The following PDE4D variants were observed in gnomAD, a reference collection of about 807,000 sequenced individuals.
The protein encoded by PDE4D is 3',5'-cyclic-AMP phosphodiesterase 4D.
PDE4D carries 24 observed loss-of-function variants against 87.4 expected under a neutral mutation model. The observed-to-expected ratio is 0.27, with a 90% CI of 0.20 to 0.39. The LOEUF is 0.39. Among genes scored for constraint, PDE4D ranks in the 10% least tolerant of loss-of-function variants. The probability of loss-of-function intolerance (pLI) is 1.00; values close to 1 mark genes in which losing one functional copy is unlikely to be tolerated. For synonymous variants in PDE4D, 384 were observed against 383.2 expected, an observed-to-expected ratio of 1.00 and a Z score of -0.02; for missense variants, 714 against 1,041.0, an observed-to-expected ratio of 0.69 and a Z score of 4.32.
At chr5:59,529,973 T>C (rs1352556796) in intron 1 of PDE4D, among the ~76,000 whole-genome samples, 1 of 152,206 alleles carries the variant, frequency 6.6e-6, no homozygotes, top group Admixed American at 6.5e-5. Flanking sequence ...GCTTCTCACA[T>C]TGAAAACACA....
chr5:59,394,745 G>A (rs1470638034), intron 1 of PDE4D, among the ~76,000 whole-genome samples: 5 of 152,138 alleles, frequency 3.3e-5, no homozygotes, highest in African/African-American at 1.2e-4. Context: ...GGCCGAATAG[G>A]AACAGCTCCG....
chr5:60,084,139 TA>T (rs1774274662), intron 2 of PDE4D, among the ~76,000 whole-genome samples: 2 of 152,248 alleles, frequency 1.3e-5, no homozygotes, highest in African/African-American at 4.8e-5. Flanking sequence ...GGTAATATGC[TA>T]AGCAAAATAG....
At chr5:59,041,113 T>G (rs1759608894) in intron 5 of PDE4D, among the ~76,000 whole-genome samples, 1 of 152,168 alleles carries the variant, frequency 6.6e-6, no homozygotes, top group African/African-American at 2.4e-5. Flanking sequence ...TGCCTAAACC[T>G]TGCCAGGTGA....
chr5:59,926,888 C>T (rs970951752), intron 3 of PDE4D, among the ~76,000 whole-genome samples: 1 of 152,102 alleles, frequency 6.6e-6, no homozygotes, highest in Non-Finnish European at 1.5e-5. Flanking sequence ...AAACAGTCTC[C>T]CAGCAAAGAA....
chr5:60,174,663 A>G (rs188498381), intron 2 of PDE4D, among the ~76,000 whole-genome samples: 2 of 152,236 alleles, frequency 1.3e-5, no homozygotes, highest in South Asian at 2.1e-4. Flanking sequence ...TTTTAACTGT[A>G]TTATTATTGG....
chr5:59,800,185 C>A (rs1301891621), intron 1 of PDE4D, among the ~76,000 whole-genome samples: 1 of 151,852 alleles, frequency 6.6e-6, no homozygotes, highest in Non-Finnish European at 1.5e-5. Context: ...AGTTTCAGTG[C>A]AGTATTATAT....
At chr5:59,408,632 C>G (rs1049067226) in intron 1 of PDE4D, among the ~76,000 whole-genome samples, 4 of 152,182 alleles carry the variant, frequency 2.6e-5, no homozygotes, top group African/African-American at 9.7e-5. Flanking sequence ...GCACTCAACT[C>G]CAACCCATGA....
intron 1 of PDE4D, among the ~76,000 whole-genome samples, chr5:59,604,546 T>C (rs1006239848): frequency 6.6e-6 from 1 of 151,980 alleles, no homozygotes; most frequent in Non-Finnish European, 1.5e-5. Flanking sequence ...TTTGGTATCA[T>C]TTGCCTTAAG....
intron 3 of PDE4D, among the ~76,000 whole-genome samples, chr5:59,965,537 T>A (rs1022210363): frequency 6.6e-6 from 1 of 152,168 alleles, no homozygotes; most frequent in Non-Finnish European, 1.5e-5. Flanking sequence ...CACTGCTGTA[T>A]CTTGAGTACC....
chr5:59,234,377 T>C (rs1001746761), intron 1 of PDE4D, among the ~76,000 whole-genome samples: 1 of 152,182 alleles, frequency 6.6e-6, no homozygotes, highest in African/African-American at 2.4e-5. Context: ...GCTTTTTTAA[T>C]GAGGAGTCCA....
chr5:59,713,971 G>T (rs1336903935), intron 1 of PDE4D, among the ~76,000 whole-genome samples: 2 of 152,196 alleles, frequency 1.3e-5, no homozygotes, highest in Non-Finnish European at 2.9e-5. Context: ...ATCTCCAGGT[G>T]CAGGTGGGGT....
At chr5:59,210,085 T>C (rs926873193) in intron 2 of PDE4D, among the ~76,000 whole-genome samples, 1 of 152,218 alleles carries the variant, frequency 6.6e-6, no homozygotes, top group African/African-American at 2.4e-5. Flanking sequence ...TTGGCCATGG[T>C]AGCTTTCTTT....
chr5:60,069,650 A>G (rs1428159290), intron 2 of PDE4D, among the ~76,000 whole-genome samples: 4 of 151,408 alleles, frequency 2.6e-5, no homozygotes, highest in African/African-American at 9.7e-5. Context: ...TTTTTTCAAG[A>G]TTGATTTGGT....
chr5:59,531,192 A>G (rs1465240731), intron 1 of PDE4D, among the ~76,000 whole-genome samples: 2 of 152,182 alleles, frequency 1.3e-5, no homozygotes, highest in Admixed American at 1.3e-4. Flanking sequence ...TTTAATGGTG[A>G]TATTCAGAAT....
intron 1 of PDE4D, among the ~76,000 whole-genome samples, chr5:59,867,600 T>C (rs925478262): frequency 1.3e-5 from 2 of 152,128 alleles, no homozygotes; most frequent in African/African-American, 4.8e-5. Context: ...ATTCTAGAGA[T>C]ATATTTACTT....
chr5:59,443,212 T>C (rs1797891650), intron 1 of PDE4D, among the ~76,000 whole-genome samples: 1 of 152,148 alleles, frequency 6.6e-6, no homozygotes, highest in Admixed American at 6.5e-5. Context: ...ACTAATTCAG[T>C]TTACACAACG....
chr5:60,068,378 G>T (rs1444874525), intron 2 of PDE4D, among the ~76,000 whole-genome samples: 1 of 151,982 alleles, frequency 6.6e-6, no homozygotes, highest in East Asian at 1.9e-4. Context: ...CTTCTTTGAA[G>T]AAATGTCTAT....
rs540261966 is a variant in PDE4D at position 59,601,135 on chromosome 5, T to C, written c.455+292033A>G. Among the ~76,000 whole-genome samples, 6 of 152,276 alleles carry C rather than the reference T, an allele frequency of 3.9e-5. No individual in the cohort carries two copies. In the South Asian group the frequency reaches 1.0e-3, roughly 26 times the overall value. On this transcript the variant is annotated intron_variant, in intron 1 of 14. Transcript: ENST00000340635. ...TTTCAGAGAAACACTAGGTGACTAA[T>C]TTGTGACAATGATATGTTTGCAGAC...
intron 2 of PDE4D, among the ~76,000 whole-genome samples, chr5:60,013,972 A>G (rs937407776): frequency 2.6e-5 from 4 of 151,700 alleles, no homozygotes; most frequent in African/African-American, 9.7e-5. Context: ...GCACACCTGT[A>G]GTCCCAGCTA....
Sources: gnomAD v4.1 joint callset for allele counts (sites outside exome capture counted in the v4.1 genomes callset) on GRCh38, gnomAD v4.1.1 for gene constraint, MANE v1.5 for transcripts, NCBI Gene and HGNC (gene_info 2026-07-23, HGNC 2026-07-21) for gene names.